The following FLT3 variants were observed in gnomAD, a reference collection of about 807,000 sequenced individuals.
FLT3 encodes fms related receptor tyrosine kinase 3.
FLT3 carries 46 observed loss-of-function variants against 126.6 expected under a neutral mutation model. That is an observed-to-expected ratio of 0.36 (90% CI 0.29 to 0.46). FLT3 has a LOEUF of 0.46. FLT3 is among the 20% of genes least tolerant of loss of function. The pLI is 1.00. For missense variants in FLT3, 1,069 were observed against 1,190.3 expected (o/e 0.90, Z 1.50); for synonymous variants, 404 against 434.4 (o/e 0.93, Z 0.87).
chr13:28,004,604 G>A (rs955666597), intron 23 of FLT3, among the ~76,000 whole-genome samples: 3 of 152,030 alleles, frequency 2.0e-5, no homozygotes, highest in Non-Finnish European at 2.9e-5. Context: ...CACTACGCCC[G>A]GCCTAGACAT....
At chr13:28,079,318 T>C (rs1052230904) in intron 1 of FLT3, among the ~76,000 whole-genome samples, 1 of 152,202 alleles carries the variant, frequency 6.6e-6, no homozygotes, top group Non-Finnish European at 1.5e-5. Flanking sequence ...TTGGACCTTA[T>C]TGTTCGTATC....
intron 9 of FLT3, among the ~76,000 whole-genome samples, chr13:28,046,357 C>G (rs753849294): frequency 1.3e-5 from 2 of 152,086 alleles, no homozygotes; most frequent in Non-Finnish European, 2.9e-5. Flanking sequence ...AATCATGAAA[C>G]AAACACTTAG....
At chr13:28,070,991 C>CTTTTTT (rs11408684) in intron 1 of FLT3, among the ~76,000 whole-genome samples, 13 of 90,900 alleles carry the variant, frequency 1.4e-4, no homozygotes, top group Admixed American at 3.4e-4. Context: ...AGATTTCTAC[C>CTTTTTT]TTTTTTTTTT....
intron 1 of FLT3, among the ~76,000 whole-genome samples, chr13:28,085,237 G>A (rs1304282185): frequency 1.3e-5 from 2 of 150,342 alleles, no homozygotes; most frequent in South Asian, 2.1e-4. Context: ...CCAGCTACTC[G>A]GGAGGCTGAG....
intron 8 of FLT3, among the ~76,000 whole-genome samples, chr13:28,048,787 G>A (rs9507984): frequency 0.72 from 110,036 of 152,186 alleles, 41,137 homozygotes; most frequent in East Asian, 0.97. Context: ...ATAAAAGAGC[G>A]ATCTGGCTAG....
At chr13:28,091,207 CTTTTTTTTTTTTTT>C (rs572410744) in intron 1 of FLT3, among the ~76,000 whole-genome samples, 32 of 36,578 alleles carry the variant, frequency 8.7e-4, no homozygotes, top group Middle Eastern at 0.026. Flanking sequence ...GCCCCATTTT[CTTTTTTTTTTTTTT>C]TTTTTTTTTT....
chr13:28,033,844 C>T (rs926669055), intron 15 of FLT3, 43 bp downstream of exon 15: 2 of 1,417,294 alleles, frequency 1.4e-6, no homozygotes, highest in African/African-American at 2.8e-5. Flanking sequence ...CTGTGCCTCC[C>T]ATTTTTGTGC....
chr13:28,016,938 G>C (rs1454791080), intron 20 of FLT3, among the ~76,000 whole-genome samples: 1 of 152,118 alleles, frequency 6.6e-6, no homozygotes, highest in East Asian at 1.9e-4. Flanking sequence ...CTTTCACGTT[G>C]GTTTTATTGG....
At chr13:28,060,667 G>A (rs1479289136) in intron 3 of FLT3, among the ~76,000 whole-genome samples, 3 of 152,026 alleles carry the variant, frequency 2.0e-5, no homozygotes, top group East Asian at 2.0e-4. Context: ...GTGCAGTGGC[G>A]TGACATCGGC....
chr13:28,019,153 G>T (rs1872158779), intron 19 of FLT3, among the ~76,000 whole-genome samples: 1 of 152,108 alleles, frequency 6.6e-6, no homozygotes, highest in African/African-American at 2.4e-5. Context: ...TTTTAGTAGA[G>T]ACGGCGTTTC....
chr13:28,037,234 T>C lies in FLT3; in HGVS notation c.1260A>G (p.Ala420=). The C allele has an allele frequency of 6.2e-7, 1 of 1,612,400 alleles. No homozygotes were observed. Among genetic ancestry groups the C allele is most frequent in the Non-Finnish European group, 8.5e-7 (1 of 1,178,468 alleles). The change falls in exon 10 of 24, where the codon GCA becomes GCG. Residue 420 remains alanine (A), a synonymous_variant. Coordinates refer to ENST00000241453, the MANE Select transcript of FLT3 (RefSeq NM_004119.3). ...KHQPGEYIFH[A]ENDDAQFTKM... is the part of the protein sequence containing the mutation. ...TGGTAAATTGGGCATCATCATTTTC[T>C]GCATGGAATATATATTCTCCTGGCT...
intron 9 of FLT3, among the ~76,000 whole-genome samples, chr13:28,044,224 G>A (rs148146541): frequency 3.9e-4 from 59 of 151,202 alleles, no homozygotes; most frequent in African/African-American, 1.3e-3. Flanking sequence ...CGAGGTGGGC[G>A]TATCATTTGA....
chr13:28,094,088 T>C (rs1011467300), intron 1 of FLT3, among the ~76,000 whole-genome samples: 1 of 152,210 alleles, frequency 6.6e-6, no homozygotes, highest in Non-Finnish European at 1.5e-5. Flanking sequence ...AGGAGTAAGA[T>C]ACTGCTTATC....
At chr13:28,009,717 C>A (rs1052498985) in intron 23 of FLT3, among the ~76,000 whole-genome samples, 2 of 152,048 alleles carry the variant, frequency 1.3e-5, no homozygotes, top group Non-Finnish European at 2.9e-5. Context: ...TGCACCACCA[C>A]GCCTGGCTAA....
chr13:28,088,687 C>A (rs1169415568), intron 1 of FLT3, among the ~76,000 whole-genome samples: 1 of 147,910 alleles, frequency 6.8e-6, no homozygotes, highest in African/African-American at 2.5e-5. Context: ...CGGGTTCAAG[C>A]GATTCTCCTG....
chr13:28,081,403 G>A (rs1878296681), intron 1 of FLT3, among the ~76,000 whole-genome samples: 1 of 152,010 alleles, frequency 6.6e-6, no homozygotes, highest in Non-Finnish European at 1.5e-5. Context: ...ATTTCTGATT[G>A]TTAGTTGCTA....
At chr13:28,059,810 A>G (rs1056226979) in intron 3 of FLT3, among the ~76,000 whole-genome samples, 7 of 151,964 alleles carry the variant, frequency 4.6e-5, no homozygotes, top group East Asian at 1.9e-4. Flanking sequence ...AAATACAAAC[A>G]TTAGCTGGGC....
Position 28,034,005 on chromosome 13 carries a change from T to G in FLT3, c.1838-14A>C. On this transcript the variant is annotated splice_polypyrimidine_tract_variant and intron_variant, in intron 14 of 23. Transcript: ENST00000241453. ...CTAGTACCTTCCCTGCAAAGACAAATGGTGAGTACGTGCATTTTAAAGATT... is the reference window on the plus strand; with the variant it reads ...CTAGTACCTTCCCTGCAAAGACAAAGGGTGAGTACGTGCATTTTAAAGATT... 6.2e-7 allele frequency: 1 copy of G among 1,613,740 alleles called. No individual in the cohort carries two copies. Among genetic ancestry groups the G allele is most frequent in the Non-Finnish European group, 8.5e-7 (1 of 1,179,666 alleles).
At chr13:28,064,418 TAAAAATTAG>T (rs1220865808) in intron 2 of FLT3, among the ~76,000 whole-genome samples, 13 of 151,656 alleles carry the variant, frequency 8.6e-5, no homozygotes, top group Non-Finnish European at 1.9e-4. Flanking sequence ...ACTAAAAATA[TAAAAATTAG>T]CCGAGTGTGG....
Sources: allele counts gnomAD v4.1 joint callset (sites outside exome capture counted in the v4.1 genomes callset), GRCh38; gene constraint gnomAD v4.1.1; transcripts MANE v1.5; gene names NCBI Gene and HGNC (gene_info 2026-07-23, HGNC 2026-07-21).